TANK: variants seen among roughly 807,000 people sequenced by gnomAD.
The protein encoded by TANK is TRAF family member associated NFKB activator.
In TANK, 15 loss-of-function variants were observed where a neutral mutation model predicts 43.6. That is an observed-to-expected ratio of 0.34 (90% CI 0.23 to 0.53). The LOEUF is 0.53. TANK is among the 20% of genes least tolerant of loss of function. The pLI, the probability that TANK is intolerant of heterozygous loss-of-function variation, is 0.94. For synonymous variants in TANK, 162 were observed against 178.2 expected, an observed-to-expected ratio of 0.91 and a Z score of 0.73; for missense variants, 417 against 498.6, an observed-to-expected ratio of 0.84 and a Z score of 1.56.
intron 4 of TANK, among the ~76,000 whole-genome samples, chr2:161,214,269 C>G (rs1687026289): frequency 6.6e-6 from 1 of 152,108 alleles, no homozygotes; most frequent in African/African-American, 2.4e-5. Context: ...GTCAGTCATT[C>G]TTTCAAGCAA....
chr2:161,153,984 G>A (rs1684151590), intron 1 of TANK, among the ~76,000 whole-genome samples: 1 of 152,170 alleles, frequency 6.6e-6, no homozygotes, highest in African/African-American at 2.4e-5. Flanking sequence ...GTTTGCCTTC[G>A]TGGGGGCAAT....
rs73971176 is a variant in TANK at position 161,229,537 on chromosome 2, G to A, written c.521-1434G>A. Among the ~76,000 whole-genome samples the A allele has an allele frequency of 3.0e-3, 463 of 152,302 alleles. 2 individuals carry two copies. Among genetic ancestry groups the A allele is most frequent in the African/African-American group, 0.011 (447 of 41,562 alleles). Reference sequence around the variant, plus strand: ...CCAATAAGAAAGGATGGTATGAAGAGAGGTATAAAGAGAGGCAGTAGGTAT... The same window carrying A: ...CCAATAAGAAAGGATGGTATGAAGAAAGGTATAAAGAGAGGCAGTAGGTAT... On this transcript the variant is annotated intron_variant, in intron 6 of 7. Transcript: ENST00000392749.
Position 161,203,481 on chromosome 2 carries a change from C to A in TANK, c.100-6C>A. 1 of 1,599,750 alleles carries A rather than the reference C, an allele frequency of 6.3e-7. No individual in the cohort carries two copies. The highest frequency in any genetic ancestry group is 2.2e-5 in the East Asian group (1 of 44,552). ...ATATCAGGCTAACTGGTTTTTATGT[C>A]AGCAGACTGAGAACTATGAGCAGAG... is the stretch of plus-strand genomic sequence containing the variant. On this transcript the variant is annotated splice_polypyrimidine_tract_variant and splice_region_variant and intron_variant, in intron 2 of 7. Transcript: ENST00000392749.
At chr2:161,159,156 T>A (rs1684302508), upstream of TANK, 1 of 152,188 alleles carries the variant, frequency 6.6e-6, no homozygotes, top group African/African-American at 2.4e-5. Context: ...AAACTAAACA[T>A]TCTCTTACCT....
In TANK at chr2:161,227,593, AT is replaced by A. The variant is rs1460412477; in HGVS notation, c.520+2849del. Among the ~76,000 whole-genome samples the A allele has an allele frequency of 2.0e-5, 3 of 152,228 alleles. No individual in the cohort carries two copies. The East Asian group carries it at 5.8e-4, about 29-fold the overall frequency. On this transcript the variant is annotated intron_variant, in intron 6 of 7. Coordinates refer to ENST00000392749, the MANE Select transcript of TANK (RefSeq NM_001199135.3). ...TATTATATGAATTAATGTACATACAATTATTATAATAGTACATGCCATGTGG... is the reference window on the plus strand; with the variant it reads ...TATTATATGAATTAATGTACATACAATATTATAATAGTACATGCCATGTGG...
intron 2 of TANK, among the ~76,000 whole-genome samples, chr2:161,192,324 G>A (rs559729149): frequency 2.7e-4 from 41 of 152,132 alleles, no homozygotes; most frequent in Non-Finnish European, 5.4e-4. Flanking sequence ...ATAAGCTGCT[G>A]CGTGGAATAA....
intron 1 of TANK, among the ~76,000 whole-genome samples, chr2:161,153,100 G>T (rs1235647520): frequency 2.6e-5 from 4 of 151,918 alleles, no homozygotes; most frequent in African/African-American, 9.7e-5. Context: ...TCTGCTTGCT[G>T]AAATCTGCTA....
intron 1 of TANK, among the ~76,000 whole-genome samples, chr2:161,142,790 T>C (rs1365137166): frequency 6.6e-6 from 1 of 152,176 alleles, no homozygotes; most frequent in East Asian, 1.9e-4. Flanking sequence ...CTTAGGATTG[T>C]CTTGGCTATA....
intron 2 of TANK, among the ~76,000 whole-genome samples, chr2:161,194,746 A>G (rs538205018): frequency 4.2e-4 from 64 of 152,346 alleles, no homozygotes; most frequent in Admixed American, 2.3e-3. Flanking sequence ...AAAGGATTGC[A>G]AACGGCATAA....
intron 6 of TANK, among the ~76,000 whole-genome samples, chr2:161,230,691 T>C (rs1687866496): frequency 6.6e-6 from 1 of 152,216 alleles, no homozygotes; most frequent in East Asian, 1.9e-4. Flanking sequence ...GTTTTTCAAG[T>C]GTGGAGCAGT....
intron 7 of TANK, among the ~76,000 whole-genome samples, chr2:161,234,601 G>A (rs1199204944): frequency 2.0e-5 from 3 of 152,178 alleles, no homozygotes; most frequent in Non-Finnish European, 4.4e-5. Flanking sequence ...GTTAGATTAT[G>A]ACTTTCCATA....
At chr2:161,195,415 A>T (rs1273670525) in intron 2 of TANK, among the ~76,000 whole-genome samples, 2 of 152,194 alleles carry the variant, frequency 1.3e-5, no homozygotes, top group Non-Finnish European at 2.9e-5. Flanking sequence ...AGGTCAGAGA[A>T]GATTATCATT....
At chr2:161,163,403 T>C (rs1018102402) in intron 1 of TANK, 18 of 151,908 alleles carry the variant, frequency 1.2e-4, no homozygotes, top group African/African-American at 4.1e-4. Context: ...ATGCTGGTTA[T>C]TTCCCCCCTA....
At chr2:161,214,587 C>T (rs532597463) in intron 4 of TANK, among the ~76,000 whole-genome samples, 3 of 151,306 alleles carry the variant, frequency 2.0e-5, no homozygotes. Context: ...TAGTCATACT[C>T]GGGCACCAGC....
chr2:161,234,242 A>G (rs1163413342), intron 7 of TANK, among the ~76,000 whole-genome samples: 1 of 152,194 alleles, frequency 6.6e-6, no homozygotes, highest in African/African-American at 2.4e-5. Flanking sequence ...GAAAGAAGTT[A>G]GGGGAAATAA....
chr2:161,163,142 T>A (rs760476863), intron 1 of TANK: 1 of 152,146 alleles, frequency 6.6e-6, no homozygotes, highest in Non-Finnish European at 1.5e-5. Flanking sequence ...TGCTGGTTCC[T>A]AAAAAGAACT....
At position 161,179,710 on chromosome 2, in the gene TANK, C is replaced by T; in HGVS notation, c.48C>T (p.Phe16=). 1.2e-6 allele frequency: 2 copies of T among 1,612,930 alleles called. No individual in the cohort carries two copies. Among genetic ancestry groups the T allele is most frequent in the African/African-American group, 1.3e-5 (1 of 74,978 alleles). The change falls in exon 2 of 8, where the codon TTC becomes TTT. Residue 16 remains phenylalanine, a synonymous_variant. Coordinates refer to ENST00000392749, the MANE Select transcript of TANK (RefSeq NM_001199135.3). ...AACTCAATAAAGCGTATGAAGCCTT[C>T]CGGCAGGCATGCATGGATAGAGATT... ...GEQLNKAYEA[F]RQACMDRDSA...
At chr2:161,151,215 T>G (rs1034957705) in intron 1 of TANK, among the ~76,000 whole-genome samples, 6 of 152,200 alleles carry the variant, frequency 3.9e-5, no homozygotes, top group Non-Finnish European at 7.3e-5. Context: ...CTGGAGAAGA[T>G]TTCATATCCA....
chr2:161,186,078 G>A (rs541228838), intron 2 of TANK, among the ~76,000 whole-genome samples: 190 of 152,320 alleles, frequency 1.2e-3, no homozygotes, highest in South Asian at 4.6e-3. Context: ...GCTGAGGTGG[G>A]AGGATTGCTT....
Sources: allele counts gnomAD v4.1 joint callset (sites outside exome capture counted in the v4.1 genomes callset), GRCh38; gene constraint gnomAD v4.1.1; transcripts MANE v1.5; gene names NCBI Gene and HGNC (gene_info 2026-07-23, HGNC 2026-07-21).